BCHE: variants seen among roughly 807,000 people sequenced by gnomAD.
The protein encoded by BCHE is butyrylcholinesterase.
BCHE carries 48 observed loss-of-function variants against 51.3 expected under a neutral mutation model. That is an observed-to-expected ratio of 0.94 (90% CI 0.74 to 1.19). The LOEUF (loss-of-function observed/expected upper bound fraction) is 1.19. Ranked by LOEUF, BCHE falls within the 50% of genes most tolerant of loss-of-function variation. BCHE has a pLI of 0.00. For missense variants in BCHE, 847 were observed against 708.2 expected (o/e 1.20, Z -2.23); for synonymous variants, 251 against 238.0 (o/e 1.05, Z -0.50).
chr3:165,824,311 A>G (rs1363486063), intron 2 of BCHE, among the ~76,000 whole-genome samples: 1 of 152,010 alleles, frequency 6.6e-6, no homozygotes, highest in Non-Finnish European at 1.5e-5. Context: ...ACAAAGCAAC[A>G]AAAATATGAT....
At chr3:165,811,367 A>T (rs2108221712) in intron 2 of BCHE, among the ~76,000 whole-genome samples, 1 of 152,234 alleles carries the variant, frequency 6.6e-6, no homozygotes, top group East Asian at 1.9e-4. Flanking sequence ...AAGTGAAAAC[A>T]TCCTTACCTA....
intron 2 of BCHE, among the ~76,000 whole-genome samples, chr3:165,799,780 ATACT>A (rs1482624832): frequency 2.0e-5 from 3 of 152,116 alleles, no homozygotes; most frequent in Admixed American, 6.5e-5. Context: ...TCGATTTCAG[ATACT>A]TAAGTAATTG....
intron 2 of BCHE, among the ~76,000 whole-genome samples, chr3:165,804,330 G>A (rs985705860): frequency 1.4e-4 from 21 of 152,196 alleles, no homozygotes; most frequent in African/African-American, 5.1e-4. Flanking sequence ...ATGAAAATGG[G>A]AAAGTAGCTA....
chr3:165,789,341 T>C (rs1713083292), intron 2 of BCHE, among the ~76,000 whole-genome samples: 1 of 151,670 alleles, frequency 6.6e-6, no homozygotes. Context: ...TTACAGAAAA[T>C]TACTTGCTTG....
intron 3 of BCHE, among the ~76,000 whole-genome samples, chr3:165,779,505 T>G (rs12107166): frequency 0.13 from 19,707 of 152,130 alleles, 1,313 homozygotes; most frequent in African/African-American, 0.17. Context: ...CATGATTCTA[T>G]GTTTAGGAAA....
intron 2 of BCHE, among the ~76,000 whole-genome samples, chr3:165,817,313 T>C (rs1714347936): frequency 6.6e-6 from 1 of 152,098 alleles, no homozygotes; most frequent in Non-Finnish European, 1.5e-5. Flanking sequence ...CTAGTTCTTC[T>C]GTACACTTCA....
chr3:165,778,750 A>G (rs1380658775), intron 3 of BCHE: 1 of 429,064 alleles, frequency 2.3e-6, no homozygotes, highest in East Asian at 7.1e-5. Flanking sequence ...TGTAAATGTT[A>G]TCAAATTAGT....
chr3:165,778,572 T>C, intron 3 of BCHE: 1 of 346,346 alleles, frequency 2.9e-6, no homozygotes, highest in South Asian at 2.1e-5. Context: ...TTCTCTCCAC[T>C]TTGCCTTCAC....
chr3:165,789,890 T>A (rs965368705), intron 2 of BCHE, among the ~76,000 whole-genome samples: 2 of 152,158 alleles, frequency 1.3e-5, no homozygotes, highest in South Asian at 4.1e-4. Context: ...TGGTAAGAGA[T>A]TCAACAAATA....
intron 3 of BCHE, among the ~76,000 whole-genome samples, chr3:165,774,491 A>G (rs1054771258): frequency 5.9e-5 from 9 of 151,750 alleles, no homozygotes; most frequent in African/African-American, 2.2e-4. Flanking sequence ...GTGCACCACC[A>G]TGTTTGGCTA....
At chr3:165,787,678 T>C (rs1003238814) in intron 2 of BCHE, among the ~76,000 whole-genome samples, 1 of 151,884 alleles carries the variant, frequency 6.6e-6, no homozygotes, top group African/African-American at 2.4e-5. Flanking sequence ...ACGAAAAAAC[T>C]AGTTTTGTTG....
rs74458984 is a variant in BCHE at position 165,829,573 on chromosome 3, G to A, written c.1461C>T (p.Ala487=). The change falls in exon 2 of 4, where the codon GCC becomes GCT. Residue 487 remains alanine (A), a synonymous_variant. Coordinates refer to ENST00000264381, the MANE Select transcript of BCHE (RefSeq NM_000055.4). Reference sequence around the variant, plus strand: ...CTATGGATCTACTCAAAATTTCCTCGGCTTTTGTGTAATTATCTCTTCTTT... The same window carrying A: ...CTATGGATCTACTCAAAATTTCCTCAGCTTTTGTGTAATTATCTCTTCTTT... ...PLERRDNYTK[A]EEILSRSIVK... is the part of the protein sequence containing the mutation. 74 of 1,613,494 alleles carry A rather than the reference G, an allele frequency of 4.6e-5. No homozygotes were observed. The highest frequency in any genetic ancestry group is 1.3e-4 in the Admixed American group (8 of 59,888).
chr3:165,829,142 G>T (rs190315493), intron 2 of BCHE, among the ~76,000 whole-genome samples: 1 of 152,208 alleles, frequency 6.6e-6, no homozygotes, highest in Middle Eastern at 3.4e-3. Context: ...GGAAGAAATA[G>T]TCCTACTCTG....
chr3:165,812,492 A>G (rs1455790564), intron 2 of BCHE, among the ~76,000 whole-genome samples: 2 of 151,986 alleles, frequency 1.3e-5, no homozygotes. Flanking sequence ...AAACAAATGG[A>G]GTGTTCCATG....
intron 2 of BCHE, chr3:165,828,052 A>G: frequency 2.2e-6 from 1 of 456,218 alleles, no homozygotes; most frequent in South Asian, 1.6e-5. Flanking sequence ...GTAGTTTAGT[A>G]TGGTTGAGGA....
chr3:165,790,919 A>G (rs1359648203), intron 2 of BCHE, among the ~76,000 whole-genome samples: 1 of 152,068 alleles, frequency 6.6e-6, no homozygotes, highest in East Asian at 1.9e-4. Context: ...GTAAGTTCAC[A>G]TTATTTAGTG....
chr3:165,786,339 T>C, intron 2 of BCHE, 28 bp from the exon 3 acceptor site: 1 of 1,571,218 alleles, frequency 6.4e-7, no homozygotes, highest in African/African-American at 1.4e-5. Flanking sequence ...GACATTATAG[T>C]AAAATTGAAA....
intron 2 of BCHE, among the ~76,000 whole-genome samples, chr3:165,809,563 C>T (rs1048218864): frequency 6.6e-6 from 1 of 151,978 alleles, no homozygotes; most frequent in African/African-American, 2.4e-5. Flanking sequence ...CTATATAATC[C>T]TACATGTATA....
intron 2 of BCHE, among the ~76,000 whole-genome samples, chr3:165,797,842 A>C (rs1179835156): frequency 6.6e-6 from 1 of 152,186 alleles, no homozygotes; most frequent in Admixed American, 6.5e-5. Context: ...TACAAATCTT[A>C]AAATAGCTTG....
Sources: allele counts gnomAD v4.1 joint callset (sites outside exome capture counted in the v4.1 genomes callset), GRCh38; gene constraint gnomAD v4.1.1; transcripts MANE v1.5; gene names NCBI Gene and HGNC (gene_info 2026-07-23, HGNC 2026-07-21).